KLF12: variants seen among roughly 807,000 people sequenced by gnomAD.
The protein encoded by KLF12 is Krueppel-like factor 12.
KLF12 carries 9 observed loss-of-function variants against 37.8 expected under a neutral mutation model. The ratio of observed to expected loss-of-function variants is 0.24; its 90% CI spans 0.14 to 0.42. The LOEUF (loss-of-function observed/expected upper bound fraction) is 0.42. KLF12 is among the 10% of genes least tolerant of loss of function. The probability of loss-of-function intolerance (pLI) is 1.00; values close to 1 mark genes in which losing one functional copy is unlikely to be tolerated. For missense variants in KLF12, 411 were observed against 516.0 expected, an observed-to-expected ratio of 0.80 and a Z score of 1.97; for synonymous variants, 208 against 202.1, an observed-to-expected ratio of 1.03 and a Z score of -0.25.
intron 3 of KLF12, among the ~76,000 whole-genome samples, chr13:73,918,697 G>A (rs1593724858): frequency 2.6e-5 from 4 of 152,226 alleles, no homozygotes; most frequent in Admixed American, 2.0e-4. Flanking sequence ...GCCAGTAACA[G>A]AATTATCCAA....
chr13:73,824,976 G>A (rs1337172502), intron 4 of KLF12, among the ~76,000 whole-genome samples: 1 of 152,046 alleles, frequency 6.6e-6, no homozygotes, highest in African/African-American at 2.4e-5. Context: ...GGCTGAAGTA[G>A]GAGAATCGCT....
At chr13:73,958,245 CT>C (rs1012129601) in intron 2 of KLF12, among the ~76,000 whole-genome samples, 58 of 147,880 alleles carry the variant, frequency 3.9e-4, no homozygotes, top group African/African-American at 1.2e-3. Flanking sequence ...TTTTTTTTAA[CT>C]TTTTTTTTTT....
rs545542432 is a variant in KLF12, at chr13:73,806,958, C to CA, written c.806+6193dup. The stretch of plus-strand genomic sequence containing the variant: ...AGTTTAAAACAAGAAAAATAAATAA[C>CA]AAAAAAAAACCCTTAGATTCTAACT... On this transcript the variant is annotated intron_variant, in intron 5 of 7. Coordinates refer to ENST00000377669, the MANE Select transcript of KLF12 (RefSeq NM_007249.5). Among the ~76,000 whole-genome samples the CA allele has an allele frequency of 1.8e-3, 271 of 150,654 alleles. 1 individual carries two copies. Among genetic ancestry groups the CA allele is most frequent in the African/African-American group, 3.6e-3 (146 of 41,080 alleles).
At chr13:73,947,566 G>A (rs1038838478) in intron 2 of KLF12, among the ~76,000 whole-genome samples, 5 of 146,130 alleles carry the variant, frequency 3.4e-5, no homozygotes, top group Admixed American at 7.1e-5. Context: ...CAGAAGAATC[G>A]CTTGAACCCG....
chr13:73,813,542 C>T (rs887152669), intron 4 of KLF12, among the ~76,000 whole-genome samples: 7 of 152,076 alleles, frequency 4.6e-5, no homozygotes, highest in African/African-American at 1.7e-4. Flanking sequence ...ACTACGAAAT[C>T]CACAATATTA....
the KLF12 span, among the ~76,000 whole-genome samples, chr13:74,239,991 G>T: frequency 1.3e-5 from 2 of 150,932 alleles, no homozygotes; most frequent in East Asian, 2.0e-4. Flanking sequence ...TCATTATGAT[G>T]TTAGCTGGTT....
intron 4 of KLF12, among the ~76,000 whole-genome samples, chr13:73,817,323 A>AAAAAAAG (rs1555309686): frequency 2.0e-5 from 3 of 146,722 alleles, no homozygotes; most frequent in Non-Finnish European, 3.0e-5. Context: ...TGTTTCAAAA[A>AAAAAAAG]AAAAAGAAAA....
At chr13:74,299,470 T>C in the KLF12 span, among the ~76,000 whole-genome samples, 4 of 152,198 alleles carry the variant, frequency 2.6e-5, no homozygotes, top group Admixed American at 2.6e-4. Flanking sequence ...ATATTTTCTA[T>C]CAAATTTGGG....
intron 3 of KLF12, among the ~76,000 whole-genome samples, chr13:73,868,337 G>A (rs1377297056): frequency 7.5e-6 from 1 of 132,944 alleles, no homozygotes; most frequent in African/African-American, 2.9e-5. Context: ...TGGGGGGGGG[G>A]GGTGATTTCA....
chr13:74,086,243 A>G (rs911240628), intron 1 of KLF12, among the ~76,000 whole-genome samples: 3 of 149,074 alleles, frequency 2.0e-5, no homozygotes, highest in Admixed American at 6.7e-5. Flanking sequence ...AGCATTAGGT[A>G]TATCTCCTAA....
intron 3 of KLF12, among the ~76,000 whole-genome samples, chr13:73,928,019 A>C (rs962320025): frequency 1.3e-5 from 2 of 151,426 alleles, no homozygotes; most frequent in African/African-American, 4.9e-5. Flanking sequence ...CACCACACCC[A>C]GCTAATTTTT....
intron 3 of KLF12, among the ~76,000 whole-genome samples, chr13:73,899,782 C>T (rs1177291434): frequency 2.0e-5 from 3 of 152,136 alleles, no homozygotes; most frequent in Non-Finnish European, 4.4e-5. Flanking sequence ...GCCTTTGGAA[C>T]TTGTACCCCA....
intron 2 of KLF12, among the ~76,000 whole-genome samples, chr13:73,984,379 C>T (rs78719565): frequency 0.094 from 14,346 of 152,166 alleles, 939 homozygotes; most frequent in South Asian, 0.22. Flanking sequence ...GGCTGGTCCA[C>T]GGGATTGCCT....
chr13:73,789,957 T>C lies in KLF12; in HGVS notation c.806+23195A>G, dbSNP rs186922219. 1.9e-3 allele frequency among the ~76,000 whole-genome samples: 296 copies of C among 152,308 alleles called. 1 individual carries two copies. The highest frequency in any genetic ancestry group is 3.6e-3 in the Non-Finnish European group (244 of 68,030). ...TCCCAAAGTGCTGGGATTACAGGTG[T>C]GAGCCACCGTGCCTGGCCTCTAATT... On this transcript the variant is annotated intron_variant, in intron 5 of 7. Coordinates refer to ENST00000377669, the MANE Select transcript of KLF12 (RefSeq NM_007249.5).
chr13:73,982,496 TA>T (rs1361751855), intron 2 of KLF12, among the ~76,000 whole-genome samples: 1 of 152,028 alleles, frequency 6.6e-6, no homozygotes, highest in Non-Finnish European at 1.5e-5. Context: ...CATTGAAAGG[TA>T]AATGTACACT....
At chr13:73,701,909 A>G (rs1014989779) in intron 7 of KLF12, among the ~76,000 whole-genome samples, 1 of 152,186 alleles carries the variant, frequency 6.6e-6, no homozygotes, top group Admixed American at 6.5e-5. Flanking sequence ...ACCTGGACTA[A>G]ACTAGGAAAA....
chr13:74,295,217 ACTC>A, the KLF12 span, among the ~76,000 whole-genome samples: 6 of 151,476 alleles, frequency 4.0e-5, no homozygotes, highest in Non-Finnish European at 8.8e-5. Flanking sequence ...TAGCTTAATT[ACTC>A]CTCCCTCTTC....
At chr13:74,088,932 T>G (rs1172823640) in intron 1 of KLF12, among the ~76,000 whole-genome samples, 2 of 152,230 alleles carry the variant, frequency 1.3e-5, no homozygotes, top group Non-Finnish European at 2.9e-5. Flanking sequence ...TTTAATTTTC[T>G]GGATTGTACT....
chr13:73,799,119 T>C (rs990578509), intron 5 of KLF12, among the ~76,000 whole-genome samples: 1 of 152,070 alleles, frequency 6.6e-6, no homozygotes, highest in South Asian at 2.1e-4. Flanking sequence ...AGCACATGGA[T>C]GGAGTTGGAG....
Sources: gnomAD v4.1 joint callset for allele counts (sites outside exome capture counted in the v4.1 genomes callset) on GRCh38, gnomAD v4.1.1 for gene constraint, MANE v1.5 for transcripts, NCBI Gene and HGNC (gene_info 2026-07-23, HGNC 2026-07-21) for gene names.